Variants in MMP16 observed in about 807,000 individuals in gnomAD.
MMP16 encodes the protein matrix metalloproteinase-16.
A neutral mutation model predicts 67.8 loss-of-function variants in MMP16; 12 were observed. That is an observed-to-expected ratio of 0.18 (90% CI 0.11 to 0.29). The LOEUF is 0.29. MMP16 is among the 10% of genes least tolerant of loss of function. The probability of loss-of-function intolerance (pLI) is 1.00; values close to 1 mark genes in which losing one functional copy is unlikely to be tolerated. For synonymous variants in MMP16, 249 were observed against 255.9 expected (o/e 0.97, Z 0.26); for missense variants, 475 against 765.7 (o/e 0.62, Z 4.48).
intron 1 of MMP16, among the ~76,000 whole-genome samples, chr8:88,221,167 A>G (rs776608674): frequency 5.9e-5 from 9 of 152,118 alleles, no homozygotes; most frequent in Non-Finnish European, 1.0e-4. Flanking sequence ...AGTCTGCCCA[A>G]TAAATGGCAA....
At chr8:88,079,318 C>T (rs1000130442) in intron 6 of MMP16, among the ~76,000 whole-genome samples, 5 of 152,064 alleles carry the variant, frequency 3.3e-5, no homozygotes, top group South Asian at 4.2e-4. Context: ...AGACCATATA[C>T]GCAAAACTTT....
intron 1 of MMP16, among the ~76,000 whole-genome samples, chr8:88,324,835 C>G (rs1811513194): frequency 6.6e-6 from 1 of 151,938 alleles, no homozygotes; most frequent in South Asian, 2.1e-4. Flanking sequence ...ACAATATTTC[C>G]ATTTCACTAG....
At chr8:88,119,397 T>C (rs553914574) in intron 4 of MMP16, among the ~76,000 whole-genome samples, 3 of 152,130 alleles carry the variant, frequency 2.0e-5, no homozygotes, top group East Asian at 1.9e-4. Context: ...TTTGCTAGCA[T>C]AGAATAAAGA....
rs1316065913 is a variant in MMP16 at position 88,040,697 on chromosome 8, A to C, written c.*764T>G. The C allele has an allele frequency of 6.6e-6, 1 of 152,654 alleles. No individual in the cohort carries two copies. The highest frequency in any genetic ancestry group is 1.5e-5 in the Non-Finnish European group (1 of 68,042). 9.5% of individuals were successfully genotyped at this position (152,654 alleles called of 1,614,324 possible). ...AAGGTCGTGTTTGAAAATAGCTATGAATATAAATGCGATGAAACACTGAGG... is the reference window on the plus strand; with the variant it reads ...AAGGTCGTGTTTGAAAATAGCTATGCATATAAATGCGATGAAACACTGAGG... On this transcript the variant is annotated 3_prime_UTR_variant, in exon 10 of 10. Transcript: ENST00000286614.
At chr8:88,068,429 T>C (rs528329224) in intron 7 of MMP16, among the ~76,000 whole-genome samples, 1 of 152,244 alleles carries the variant, frequency 6.6e-6, no homozygotes, top group South Asian at 2.1e-4. Flanking sequence ...TTTTCTTTTA[T>C]AGATTATGAT....
intron 1 of MMP16, among the ~76,000 whole-genome samples, chr8:88,235,745 A>T (rs1207384585): frequency 6.6e-6 from 1 of 152,166 alleles, no homozygotes; most frequent in African/African-American, 2.4e-5. Context: ...CTGTAGTGAC[A>T]TTCCTGAACC....
chr8:88,265,419 G>GA (rs1810460046), intron 1 of MMP16, among the ~76,000 whole-genome samples: 1 of 151,810 alleles, frequency 6.6e-6, no homozygotes. Flanking sequence ...ATTCAGTGGT[G>GA]AAAAAAACAC....
At chr8:88,283,273 T>C (rs1466122558) in intron 1 of MMP16, among the ~76,000 whole-genome samples, 4 of 152,192 alleles carry the variant, frequency 2.6e-5, no homozygotes, top group Non-Finnish European at 5.9e-5. Context: ...TTCTTTTCTT[T>C]CTTGTTTTCC....
intron 3 of MMP16, among the ~76,000 whole-genome samples, chr8:88,181,806 G>A (rs1234091747): frequency 1.3e-5 from 2 of 151,894 alleles, no homozygotes; most frequent in African/African-American, 2.4e-5. Flanking sequence ...GGGTGATATT[G>A]GATTAATAAC....
At chr8:88,288,355 T>C (rs1255253613) in intron 1 of MMP16, among the ~76,000 whole-genome samples, 1 of 152,118 alleles carries the variant, frequency 6.6e-6, no homozygotes, top group Non-Finnish European at 1.5e-5. Context: ...TTTTTCTTTT[T>C]TCTTTTTTTT....
intron 1 of MMP16, among the ~76,000 whole-genome samples, chr8:88,296,944 TA>T (rs938360069): frequency 1.5e-4 from 23 of 151,152 alleles, no homozygotes; most frequent in Middle Eastern, 3.4e-3. Context: ...AATTAAATAA[TA>T]AAAAAAAGCA....
intron 4 of MMP16, among the ~76,000 whole-genome samples, chr8:88,141,969 C>T (rs1808219199): frequency 6.6e-6 from 1 of 151,208 alleles, no homozygotes; most frequent in Non-Finnish European, 1.5e-5. Context: ...GGTTAGAGTG[C>T]AGTGGCACCA....
intron 1 of MMP16, among the ~76,000 whole-genome samples, chr8:88,283,040 A>G (rs545745409): frequency 6.6e-6 from 1 of 151,976 alleles, no homozygotes; most frequent in Non-Finnish European, 1.5e-5. Flanking sequence ...CATTTTTTTC[A>G]TTATCTTTCA....
At chr8:88,259,064 A>T (rs770811642) in intron 1 of MMP16, among the ~76,000 whole-genome samples, 1 of 152,100 alleles carries the variant, frequency 6.6e-6, no homozygotes, top group Non-Finnish European at 1.5e-5. Context: ...CACATTACAG[A>T]TGAAGAAAAT....
intron 1 of MMP16, among the ~76,000 whole-genome samples, chr8:88,310,659 G>T (rs921684400): frequency 2.0e-5 from 3 of 152,214 alleles, no homozygotes; most frequent in Middle Eastern, 3.4e-3. Flanking sequence ...TCAACACAAA[G>T]TTATAATTTA....
At chr8:88,201,100 T>G (rs1050201612) in intron 1 of MMP16, among the ~76,000 whole-genome samples, 10 of 141,710 alleles carry the variant, frequency 7.1e-5, no homozygotes, top group African/African-American at 2.6e-4. Flanking sequence ...AGAAAACATC[T>G]TGAAATACTG....
At chr8:88,110,561 C>A (rs1809317032) in intron 6 of MMP16, among the ~76,000 whole-genome samples, 1 of 151,538 alleles carries the variant, frequency 6.6e-6, no homozygotes, top group South Asian at 2.1e-4. Context: ...CACTTCCTGG[C>A]AGTATGGAAT....
intron 4 of MMP16, among the ~76,000 whole-genome samples, chr8:88,145,358 A>C (rs942641466): frequency 6.6e-6 from 1 of 152,000 alleles, no homozygotes; most frequent in African/African-American, 2.4e-5. Context: ...TACAGGAAAA[A>C]ATGGTATTAT....
chr8:88,299,045 G>GA (rs1343191385), intron 1 of MMP16, among the ~76,000 whole-genome samples: 5 of 151,122 alleles, frequency 3.3e-5, no homozygotes, highest in African/African-American at 4.9e-5. Context: ...CACACAGTGG[G>GA]AAAAAAAATA....
Sources: gnomAD v4.1 joint callset for allele counts (sites outside exome capture counted in the v4.1 genomes callset) on GRCh38, gnomAD v4.1.1 for gene constraint, MANE v1.5 for transcripts, NCBI Gene and HGNC (gene_info 2026-07-23, HGNC 2026-07-21) for gene names.